Variants in JAZF1 observed in about 807,000 individuals in gnomAD.
The protein encoded by JAZF1 is JAZF zinc finger 1, also known as juxtaposed with another zinc finger protein 1.
Under a neutral mutation model 26.4 loss-of-function variants are expected in JAZF1, and 8 were observed. The observed-to-expected ratio is 0.30, with a 90% CI of 0.18 to 0.55. JAZF1 has a LOEUF of 0.55. JAZF1 is among the 20% of genes least tolerant of loss of function. JAZF1 has a pLI of 0.94. For synonymous variants in JAZF1, 126 were observed against 122.3 expected, an observed-to-expected ratio of 1.03 and a Z score of -0.20; for missense variants, 199 against 322.0, an observed-to-expected ratio of 0.62 and a Z score of 2.92.
At chr7:28,054,624 A>T (rs575082721) in intron 1 of JAZF1, among the ~76,000 whole-genome samples, 1 of 152,156 alleles carries the variant, frequency 6.6e-6, no homozygotes, top group Non-Finnish European at 1.5e-5. Flanking sequence ...TATTTCTGCC[A>T]TTTCCCTTTA....
chr7:28,040,895 T>C (rs1414541966), intron 1 of JAZF1, among the ~76,000 whole-genome samples: 1 of 152,164 alleles, frequency 6.6e-6, no homozygotes. Context: ...TTTAATCGGC[T>C]AATATTTAAT....
chr7:27,886,759 A>T (rs938711561), intron 3 of JAZF1, among the ~76,000 whole-genome samples: 9 of 152,246 alleles, frequency 5.9e-5, no homozygotes, highest in Non-Finnish European at 1.0e-4. Flanking sequence ...CTGTATCCCC[A>T]ATACTTGGCA....
chr7:27,911,978 C>T (rs1784366030), intron 2 of JAZF1, among the ~76,000 whole-genome samples: 1 of 152,066 alleles, frequency 6.6e-6, no homozygotes, highest in Non-Finnish European at 1.5e-5. Context: ...TGAAAAAGTA[C>T]ATTTATTTAT....
chr7:27,897,062 G>T (rs549394859), intron 2 of JAZF1, among the ~76,000 whole-genome samples: 1 of 151,178 alleles, frequency 6.6e-6, no homozygotes, highest in Non-Finnish European at 1.5e-5. Context: ...GACTCACAGA[G>T]AAAAGCAAAG....
chr7:28,139,152 C>T (rs1012182887), intron 1 of JAZF1, among the ~76,000 whole-genome samples: 30 of 152,160 alleles, frequency 2.0e-4, no homozygotes, highest in African/African-American at 7.0e-4. Context: ...GATTTTGTAT[C>T]CTCCTGTCAG....
intron 2 of JAZF1, among the ~76,000 whole-genome samples, chr7:27,964,821 T>C (rs1206698304): frequency 1.3e-5 from 2 of 151,978 alleles, no homozygotes; most frequent in East Asian, 3.9e-4. Flanking sequence ...TGTTAGTCCT[T>C]AAAATATTGG....
chr7:28,046,564 T>A (rs1783500030), intron 1 of JAZF1, among the ~76,000 whole-genome samples: 1 of 152,226 alleles, frequency 6.6e-6, no homozygotes, highest in South Asian at 2.1e-4. Flanking sequence ...TAAGTTTGGA[T>A]AGGTGTTACC....
intron 1 of JAZF1, among the ~76,000 whole-genome samples, chr7:28,031,542 G>A (rs1293726151): frequency 6.6e-6 from 1 of 152,206 alleles, no homozygotes; most frequent in Non-Finnish European, 1.5e-5. Context: ...GCACCGTCCT[G>A]CAGAGCGTAC....
At chr7:27,969,532 C>T (rs967564194) in intron 2 of JAZF1, among the ~76,000 whole-genome samples, 2 of 152,032 alleles carry the variant, frequency 1.3e-5, no homozygotes, top group Non-Finnish European at 2.9e-5. Flanking sequence ...CACTAACTCA[C>T]ATCAAGCCAG....
chr7:27,927,421 T>C (rs1285022645), intron 2 of JAZF1, among the ~76,000 whole-genome samples: 1 of 152,234 alleles, frequency 6.6e-6, no homozygotes, highest in East Asian at 1.9e-4. Flanking sequence ...TCTGTGACAA[T>C]GGACAAGTTT....
intron 2 of JAZF1, among the ~76,000 whole-genome samples, chr7:27,914,449 T>C (rs1187971393): frequency 1.3e-5 from 2 of 152,200 alleles, no homozygotes; most frequent in African/African-American, 2.4e-5. Flanking sequence ...ACTTTGGTCC[T>C]GGATGTTAAA....
intron 1 of JAZF1, among the ~76,000 whole-genome samples, chr7:28,175,552 C>T (rs1445988954): frequency 2.6e-5 from 4 of 152,172 alleles, no homozygotes; most frequent in Admixed American, 6.5e-5. Flanking sequence ...AGGCATAGTA[C>T]GGTTAATTTG....
At chr7:28,082,062 A>C (rs1342335531) in intron 1 of JAZF1, among the ~76,000 whole-genome samples, 1 of 152,224 alleles carries the variant, frequency 6.6e-6, no homozygotes, top group Non-Finnish European at 1.5e-5. Context: ...TTTATTATTT[A>C]AAAGTCCTTA....
intron 3 of JAZF1, among the ~76,000 whole-genome samples, chr7:27,870,650 C>G (rs1314635075): frequency 6.6e-6 from 1 of 152,114 alleles, no homozygotes; most frequent in Non-Finnish European, 1.5e-5. Flanking sequence ...AGGTCACATA[C>G]TCAGCAAAGG....
chr7:28,089,130 T>C (rs574966092), intron 1 of JAZF1, among the ~76,000 whole-genome samples: 124 of 152,286 alleles, frequency 8.1e-4, no homozygotes, highest in Middle Eastern at 6.8e-3. Flanking sequence ...ACAATAATAG[T>C]ACTGAATATT....
chr7:28,112,158 A>C lies in JAZF1; in HGVS notation c.115+68305T>G, dbSNP rs1784671678. ...ACTTGGCTGTCCCAGAGTTACTTAG[A>C]ACAAATACCACTAGGAAAGAACTTT... On this transcript the variant is annotated intron_variant, in intron 1 of 4. Coordinates refer to ENST00000283928, the MANE Select transcript of JAZF1 (RefSeq NM_175061.4). 2.0e-5 allele frequency among the ~76,000 whole-genome samples: 3 copies of C among 152,170 alleles called. No individual in the cohort carries two copies. In the South Asian group the frequency reaches 6.2e-4, roughly 31 times the overall value.
chr7:27,998,472 A>T (rs538364058), intron 1 of JAZF1, among the ~76,000 whole-genome samples: 59 of 150,372 alleles, frequency 3.9e-4, no homozygotes, highest in African/African-American at 1.4e-3. Context: ...ACGGCCCTTT[A>T]AAAAAAAAAT....
At chr7:28,140,539 C>A (rs1782946677) in intron 1 of JAZF1, among the ~76,000 whole-genome samples, 1 of 152,186 alleles carries the variant, frequency 6.6e-6, no homozygotes, top group African/African-American at 2.4e-5. Flanking sequence ...CCAAACCCCA[C>A]CGAGATTCTG....
chr7:27,913,292 T>TA, intron 2 of JAZF1: 1 of 306,200 alleles, frequency 3.3e-6, no homozygotes, highest in African/African-American at 2.4e-5. Context: ...TATATATATA[T>TA]TTGTGTGTGT....
Sources: allele counts gnomAD v4.1 joint callset (sites outside exome capture counted in the v4.1 genomes callset), GRCh38; gene constraint gnomAD v4.1.1; transcripts MANE v1.5; gene names NCBI Gene and HGNC (gene_info 2026-07-23, HGNC 2026-07-21).